Variants in FCGRT observed in about 807,000 individuals in gnomAD.
FCGRT encodes IgG receptor FcRn large subunit p51.
In FCGRT, 13 loss-of-function variants were observed where a neutral mutation model predicts 35.7. That is an observed-to-expected ratio of 0.36 (90% CI 0.24 to 0.58). FCGRT has a LOEUF of 0.58. Ranked by LOEUF, FCGRT falls within the 20% of genes least tolerant of loss-of-function variation. The pLI is 0.77. For synonymous variants in FCGRT, 233 were observed against 216.5 expected, an observed-to-expected ratio of 1.08 and a Z score of -0.67; for missense variants, 455 against 474.9, an observed-to-expected ratio of 0.96 and a Z score of 0.39.
chr19:49,524,811 C>T (rs1423497244), intron 5 of FCGRT, 35 bp downstream of exon 5: 7 of 1,585,306 alleles, frequency 4.4e-6, no homozygotes, highest in African/African-American at 1.3e-5. Context: ...CTCCTGGTTT[C>T]CCGTTGCCTT....
At chr19:49,517,606 G>T (rs1203990273) in intron 4 of FCGRT, among the ~76,000 whole-genome samples, 1 of 152,062 alleles carries the variant, frequency 6.6e-6, no homozygotes, top group Non-Finnish European at 1.5e-5. Flanking sequence ...TCAACCCATG[G>T]TTTTTTGAAT....
chr19:49,520,494 C>T (rs1029216041), intron 4 of FCGRT, among the ~76,000 whole-genome samples: 3 of 151,964 alleles, frequency 2.0e-5, no homozygotes, highest in African/African-American at 4.8e-5. Flanking sequence ...TACAGGCATG[C>T]GCTGCCATGC....
rs2079985607 is a variant in FCGRT, at chr19:49,513,442, G to A, written c.42G>A (p.Leu14=). 4 of 1,245,414 alleles carry A rather than the reference G, an allele frequency of 3.2e-6. No individual in the cohort carries two copies. The highest frequency in any genetic ancestry group is 3.0e-6 in the Non-Finnish European group (3 of 988,322). The allele number at this position is 1,245,414 out of a possible 1,614,324, so 77.1% of individuals were successfully genotyped here. A position where few individuals can be genotyped will look rare whatever the true frequency, so the allele number is the denominator to read the frequency against. Residue 14 remains leucine, a synonymous_variant, in exon 2 of 7, where the codon CTG becomes CTA. Transcript: ENST00000221466. ...CTCAGCCCTGGGCGCTGGGGCTCCT[G>A]CTCTTTCTCCTTCCTGGGAGCCTGG... The part of the protein sequence containing the change: ...PRPQPWALGL[L]LFLLPGSLGA...
chr19:49,515,400 G>C (rs1207913345), intron 4 of FCGRT: 2 of 152,044 alleles, frequency 1.3e-5, no homozygotes, highest in East Asian at 3.8e-4. Flanking sequence ...CGCTGCTTCA[G>C]CCTCATGAGT....
At chr19:49,525,678 CAG>C (rs1282790453) in intron 6 of FCGRT, 105 bp downstream of exon 6, 4 of 796,956 alleles carry the variant, frequency 5.0e-6, no homozygotes, top group East Asian at 2.7e-5. Context: ...GGACAGAGAT[CAG>C]AGAGAGGTGG....
chr19:49,514,046 G>T lies in FCGRT; in HGVS notation c.238G>T (p.Val80Leu). Residue 80 changes from valine (V) to leucine (L), a missense_variant, in exon 3 of 7, where the codon GTG becomes TTG. Around this residue, in one of 3 missense-constraint regions of FCGRT, gnomAD observed 136 missense variants for 158.9 expected, o/e 0.86. Coordinates refer to ENST00000221466, the MANE Select transcript of FCGRT (RefSeq NM_001136019.3). ...TGGAGCTTGGGTCTGGGAAAACCAG[G>T]TGTCCTGGTATTGGGAGAAAGAGAC... ...PCGAWVWENQ[V>L]SWYWEKETTD... 6.2e-7 allele frequency: 1 copy of T among 1,611,904 alleles called. No homozygotes were observed. The highest frequency in any genetic ancestry group is 8.5e-7 in the Non-Finnish European group (1 of 1,180,010).
chr19:49,518,026 A>G (rs180757937), intron 4 of FCGRT, among the ~76,000 whole-genome samples: 1 of 152,160 alleles, frequency 6.6e-6, no homozygotes, highest in African/African-American at 2.4e-5. Context: ...GGATTTCACT[A>G]TGTTGGCCAG....
intron 4 of FCGRT, among the ~76,000 whole-genome samples, 182 bp downstream of exon 4, chr19:49,514,668 C>T (rs567300634): frequency 4.0e-5 from 6 of 151,872 alleles, no homozygotes; most frequent in Non-Finnish European, 8.8e-5. Flanking sequence ...CCAGGACAAA[C>T]TCCTGGCTTC....
At chr19:49,513,754 T>G in intron 2 of FCGRT, 128 bp from the exon 3 acceptor site, 1 of 180,320 alleles carries the variant, frequency 5.5e-6, no homozygotes, top group Non-Finnish European at 1.0e-5. Context: ...CCCCCCGGGT[T>G]TCTGTCCCCT....
intron 6 of FCGRT, 49 bp downstream of exon 6, chr19:49,525,622 A>G (rs752078473): frequency 7.7e-7 from 1 of 1,303,586 alleles, no homozygotes; most frequent in Non-Finnish European, 1.1e-6. Flanking sequence ...CAGAGACCCC[A>G]AGAGAGGGGC....
chr19:49,514,932 T>C (rs2079998835), intron 4 of FCGRT, among the ~76,000 whole-genome samples: 1 of 151,466 alleles, frequency 6.6e-6, no homozygotes, highest in Admixed American at 6.6e-5. Context: ...CCTCAGGTGA[T>C]CCGCCCACCT....
intron 4 of FCGRT, among the ~76,000 whole-genome samples, chr19:49,520,056 C>A (rs1568701361): frequency 6.6e-6 from 1 of 150,520 alleles, no homozygotes; most frequent in African/African-American, 2.4e-5. Context: ...TGGTCTTGAA[C>A]TCCTGACCTT....
chr19:49,526,051 C>T lies in FCGRT; in HGVS notation c.1030C>T (p.Leu344=), dbSNP rs1252493589. The T allele has an allele frequency of 3.1e-6, 5 of 1,613,544 alleles. No homozygotes were observed. Among genetic ancestry groups the T allele is most frequent in the African/African-American group, 1.3e-5 (1 of 74,908 alleles). The change falls in exon 7 of 7, where the codon CTG becomes TTG. Residue 344 remains leucine (L), a synonymous_variant. Transcript: ENST00000221466. ...SLRGDDTGVL[L]PTPGEAQDAD... is the part of the protein sequence containing the mutation. The stretch of plus-strand genomic sequence containing the variant: ...TCGTGGAGACGACACCGGGGTCCTC[C>T]TGCCCACCCCAGGGGAGGCCCAGGA...
chr19:49,516,305 C>T (rs956034332), intron 4 of FCGRT: 22 of 360,374 alleles, frequency 6.1e-5, no homozygotes, highest in African/African-American at 2.4e-4. Flanking sequence ...TGCAATGGCG[C>T]GATCTCGGCT....
Position 49,524,718 on chromosome 19 carries a change from C to T in FCGRT, c.813C>T (p.His271=), listed in dbSNP as rs770605164. ...SSLTVKSGDE[H]HYCCIVQHAG... Reference sequence around the variant, plus strand: ...TAACAGTCAAAAGTGGCGATGAGCACCACTACTGCTGCATTGTGCAGCACG... The same window carrying T: ...TAACAGTCAAAAGTGGCGATGAGCATCACTACTGCTGCATTGTGCAGCACG... Residue 271 remains histidine (H), a synonymous_variant, in exon 5 of 7, where the codon CAC becomes CAT. Transcript: ENST00000221466. 6.2e-7 allele frequency: 1 copy of T among 1,602,526 alleles called. No homozygotes were observed. The highest frequency in any genetic ancestry group is 2.2e-5 in the East Asian group (1 of 44,866).
chr19:49,524,364 C>T, intron 4 of FCGRT, 143 bp from the exon 5 acceptor site: 13 of 911,510 alleles, frequency 1.4e-5, no homozygotes, highest in Non-Finnish European at 2.2e-5. Context: ...GTCTCTGTCA[C>T]CTAGGAAGTG....
At chr19:49,525,021 G>C (rs974514642) in intron 5 of FCGRT, 23 of 659,520 alleles carry the variant, frequency 3.5e-5, no homozygotes, top group African/African-American at 2.7e-4. Context: ...ACCATGGCCA[G>C]TCCTCCCTGA....
At chr19:49,524,463 G>A (rs746420024) in intron 4 of FCGRT, 44 bp from the exon 5 acceptor site, 1 of 1,579,868 alleles carries the variant, frequency 6.3e-7, no homozygotes, top group South Asian at 1.1e-5. Context: ...GGCTCTGGGA[G>A]TGGTGGGCTC....
chr19:49,522,388 T>C (rs910889711), intron 4 of FCGRT, among the ~76,000 whole-genome samples: 3 of 151,948 alleles, frequency 2.0e-5, no homozygotes, highest in African/African-American at 7.3e-5. Flanking sequence ...TCTGCTAATA[T>C]TATGTTTAAG....
Sources: allele counts gnomAD v4.1 joint callset (sites outside exome capture counted in the v4.1 genomes callset), GRCh38; gene constraint gnomAD v4.1.1; regional missense constraint gnomAD v4.1.1; transcripts MANE v1.5; gene names NCBI Gene and HGNC (gene_info 2026-07-23, HGNC 2026-07-21).